The following RYR2 variants were observed in gnomAD, a reference collection of about 807,000 sequenced individuals.
RYR2 encodes the protein cardiac muscle ryanodine receptor-calcium release channel.
Under a neutral mutation model 601.1 loss-of-function variants are expected in RYR2, and 227 were observed. That is an observed-to-expected ratio of 0.38 (90% CI 0.34 to 0.42). RYR2 has a LOEUF of 0.42. RYR2 is among the 10% of genes least tolerant of loss of function. The pLI is 1.00. For synonymous variants in RYR2, 2,223 were observed against 2,175.1 expected (o/e 1.02, Z -0.61); for missense variants, 4,646 against 6,156.5 (o/e 0.75, Z 8.21).
intron 47 of RYR2, 111 bp from the exon 48 acceptor site, chr1:237,643,216 A>G: frequency 1.5e-6 from 2 of 1,366,532 alleles, no homozygotes; most frequent in South Asian, 2.7e-5. Context: ...TTATGTATAC[A>G]CTGATCAGAA....
intron 26 of RYR2, among the ~76,000 whole-genome samples, 181 bp from the exon 27 acceptor site, chr1:237,550,363 T>C (rs1455798965): frequency 6.6e-6 from 1 of 152,204 alleles, no homozygotes; most frequent in African/African-American, 2.4e-5. Context: ...ATGCGCTTAT[T>C]CATTTGATTG....
chr1:237,057,808 C>G (rs1049830125), intron 1 of RYR2, among the ~76,000 whole-genome samples: 8 of 152,206 alleles, frequency 5.3e-5, no homozygotes, highest in African/African-American at 1.9e-4. Context: ...ACACACATCA[C>G]CATTGTTGGG....
intron 25 of RYR2, among the ~76,000 whole-genome samples, chr1:237,531,614 C>T (rs555098633): frequency 1.3e-5 from 2 of 152,240 alleles, no homozygotes; most frequent in African/African-American, 4.8e-5. Flanking sequence ...TGTGCTTTTG[C>T]TGTGCAAATG....
intron 1 of RYR2, among the ~76,000 whole-genome samples, chr1:237,073,456 G>A (rs537083016): frequency 6.6e-6 from 1 of 152,106 alleles, no homozygotes; most frequent in Admixed American, 6.5e-5. Context: ...GCAGCCACTG[G>A]CCATGTGTGG....
intron 62 of RYR2, among the ~76,000 whole-genome samples, chr1:237,684,263 A>G (rs977497635): frequency 6.6e-6 from 1 of 152,106 alleles, no homozygotes; most frequent in African/African-American, 2.4e-5. Context: ...AATGCCACCT[A>G]TGTACGGCAA....
At chr1:237,439,751 A>G (rs1009411467) in intron 12 of RYR2, among the ~76,000 whole-genome samples, 5 of 152,168 alleles carry the variant, frequency 3.3e-5, no homozygotes, top group African/African-American at 9.6e-5. Context: ...TTCACAATTA[A>G]TGTTTACGTG....
In RYR2 at chr1:237,830,532, C is replaced by G. The variant is rs771308728; in HGVS notation, c.14658C>G (p.Thr4886=). The G allele has an allele frequency of 7.5e-6, 12 of 1,592,170 alleles. No individual in the cohort carries two copies. In the African/African-American group the frequency reaches 1.5e-4, roughly 20 times the overall value. Residue 4886 remains threonine (T), a splice_region_variant and synonymous_variant, in exon 103 of 105, where the codon ACC becomes ACG. Coordinates refer to ENST00000366574, the MANE Select transcript of RYR2 (RefSeq NM_001035.3). The part of the protein sequence containing the change: ...QQEQVKEDME[T]KCFICGIGND... ...TAATATTTCCCTTTGTTTTCTAGAC[C>G]AAATGCTTCATCTGTGGGATAGGCA... is the stretch of plus-strand genomic sequence containing the variant.
chr1:237,667,481 T>C (rs781352419), intron 57 of RYR2, among the ~76,000 whole-genome samples: 22 of 152,216 alleles, frequency 1.4e-4, no homozygotes, highest in Non-Finnish European at 2.1e-4. Flanking sequence ...CAGAGATTGA[T>C]TTAGAAATCA....
chr1:237,043,697 C>T (rs1192247737), intron 1 of RYR2, among the ~76,000 whole-genome samples: 1 of 152,162 alleles, frequency 6.6e-6, no homozygotes, highest in Non-Finnish European at 1.5e-5. Context: ...ACTTCCCCAA[C>T]CTAGAACTGC....
Position 237,798,129 on chromosome 1 carries a change from A to T in RYR2, c.14049A>T (p.Arg4683Ser), listed in dbSNP as rs757540582. ...DKAALDFSDAREKKKPKKDSS... is the reference protein window; with the variant it reads ...DKAALDFSDASEKKKPKKDSS... Reference sequence around the variant, plus strand: ...CAGCTCTGGACTTCAGTGATGCCAGAGAAAAGAAGAAGCCAAAGAAAGACA... The same window carrying T: ...CAGCTCTGGACTTCAGTGATGCCAGTGAAAAGAAGAAGCCAAAGAAAGACA... Residue 4683 changes from arginine (R) to serine (S), a missense_variant, in exon 97 of 105, where the codon AGA becomes AGT. Coordinates refer to ENST00000366574, the MANE Select transcript of RYR2 (RefSeq NM_001035.3). 3.1e-6 allele frequency: 5 copies of T among 1,612,318 alleles called. No homozygotes were observed. The East Asian group carries it at 6.7e-5, about 22-fold the overall frequency.
intron 35 of RYR2, among the ~76,000 whole-genome samples, chr1:237,603,466 C>T (rs372082247): frequency 6.6e-6 from 1 of 152,206 alleles, no homozygotes; most frequent in Admixed American, 6.5e-5. Context: ...TGCCCGGCCA[C>T]ATGCACATGC....
chr1:237,830,504 C>T (rs777697798), intron 102 of RYR2, 26 bp from the exon 103 acceptor site: 28 of 1,378,118 alleles, frequency 2.0e-5, no homozygotes, highest in South Asian at 4.6e-5. Context: ...TGAACTCTGA[C>T]GTTAATATTT....
chr1:237,042,888 G>C (rs1660086247), intron 1 of RYR2, among the ~76,000 whole-genome samples: 1 of 152,120 alleles, frequency 6.6e-6, no homozygotes, highest in Non-Finnish European at 1.5e-5. Flanking sequence ...GGAGAGGAGG[G>C]GACGGCCGGT....
At chr1:237,548,029 A>G (rs1670002714) in intron 25 of RYR2, among the ~76,000 whole-genome samples, 1 of 152,256 alleles carries the variant, frequency 6.6e-6, no homozygotes, top group African/African-American at 2.4e-5. Flanking sequence ...TAAATATTAC[A>G]TTAATCTAAC....
chr1:237,111,868 C>T (rs1669514748), intron 1 of RYR2, among the ~76,000 whole-genome samples: 1 of 152,110 alleles, frequency 6.6e-6, no homozygotes, highest in African/African-American at 2.4e-5. Flanking sequence ...TTGTACCTCT[C>T]TGAGCTAGAG....
intron 11 of RYR2, among the ~76,000 whole-genome samples, chr1:237,420,721 T>G (rs1027710942): frequency 8.5e-5 from 13 of 152,212 alleles, no homozygotes; most frequent in Admixed American, 7.8e-4. Context: ...TGAATAGAAC[T>G]GAGCCCAGAA....
rs371745890 is a variant in RYR2 at position 237,310,979 on chromosome 1, T to G, written c.169-19899T>G. Among the ~76,000 whole-genome samples, 6 of 152,326 alleles carry G rather than the reference T, an allele frequency of 3.9e-5. No individual in the cohort carries two copies. In the East Asian group the frequency reaches 7.7e-4, roughly 20 times the overall value. On this transcript the variant is annotated intron_variant, in intron 2 of 104. Coordinates refer to ENST00000366574, the MANE Select transcript of RYR2 (RefSeq NM_001035.3). ...AGCATATCGTGACAAAATATCAATT[T>G]AGTAGGTATCTATCCTATATAAACT... is the stretch of plus-strand genomic sequence containing the variant.
chr1:237,603,925 G>A (rs1325046310), intron 35 of RYR2, among the ~76,000 whole-genome samples: 2 of 152,142 alleles, frequency 1.3e-5, no homozygotes, highest in Non-Finnish European at 2.9e-5. Context: ...CATAAAGCAA[G>A]TCCTTAGAGA....
chr1:237,527,460 T>G (rs1346305646), intron 24 of RYR2, among the ~76,000 whole-genome samples: 1 of 152,214 alleles, frequency 6.6e-6, no homozygotes, highest in Non-Finnish European at 1.5e-5. Context: ...AAGCATATAG[T>G]GCACCCCAAA....
Sources: allele counts gnomAD v4.1 joint callset (sites outside exome capture counted in the v4.1 genomes callset), GRCh38; gene constraint gnomAD v4.1.1; transcripts MANE v1.5; gene names NCBI Gene and HGNC (gene_info 2026-07-23, HGNC 2026-07-21).